Variants in OR51E1 observed in about 807,000 individuals in gnomAD.
The protein encoded by OR51E1 is olfactory receptor 51E1.
A neutral mutation model predicts 11.5 loss-of-function variants in OR51E1; 9 were observed. That is an observed-to-expected ratio of 0.78 (90% CI 0.47 to 1.37). The LOEUF (loss-of-function observed/expected upper bound fraction) is 1.37. Ranked by LOEUF, OR51E1 falls within the 40% of genes most tolerant of loss-of-function variation. The pLI, the probability that OR51E1 is intolerant of heterozygous loss-of-function variation, is 0.00. For missense variants in OR51E1, 397 were observed against 410.2 expected, an observed-to-expected ratio of 0.97 and a Z score of 0.28; for synonymous variants, 168 against 158.3, an observed-to-expected ratio of 1.06 and a Z score of -0.46.
intron 1 of OR51E1, among the ~76,000 whole-genome samples, chr11:4,651,372 G>A (rs921388068): frequency 2.0e-5 from 3 of 152,208 alleles, no homozygotes; most frequent in East Asian, 1.9e-4. Flanking sequence ...AATCCTGGTA[G>A]GGCAGGGGAA....
At chr11:4,651,856 T>C (rs1465925772) in intron 1 of OR51E1, among the ~76,000 whole-genome samples, 1 of 152,150 alleles carries the variant, frequency 6.6e-6, no homozygotes, top group Non-Finnish European at 1.5e-5. Context: ...TGGATTACGG[T>C]TTATCATAAT....
intron 1 of OR51E1, among the ~76,000 whole-genome samples, chr11:4,647,629 G>C (rs559728624): frequency 1.3e-5 from 2 of 152,044 alleles, no homozygotes; most frequent in African/African-American, 4.8e-5. Context: ...TCTGAAGCCC[G>C]GGGGAAGGAA....
In OR51E1 at chr11:4,653,380, T is replaced by C; in HGVS notation, c.854T>C (p.Val285Ala). Residue 285 changes from valine (V) to alanine (A), a missense_variant, in exon 2 of 2, where the codon GTT (valine) becomes GCT (alanine). Val to Ala is a moderately conservative substitution (Grantham distance 64). Coordinates refer to ENST00000396952, the MANE Select transcript of OR51E1 (RefSeq NM_152430.4). ...PVILANIYLL[V>A]PPVLNPIVYG... ...ATCTTGGCCAATATCTATCTGCTGG[T>C]TCCTCCTGTGCTCAACCCAATTGTC... The C allele has an allele frequency of 6.2e-7, 1 of 1,614,140 alleles. No individual in the cohort carries two copies. The highest frequency in any genetic ancestry group is 1.7e-5 in the Admixed American group (1 of 60,032).
In OR51E1 at chr11:4,652,754, C is replaced by G; in HGVS notation, c.228C>G (p.Ile76Met). Residue 76 changes from isoleucine (I) to methionine (M), a missense_variant, in exon 2 of 2, where the codon ATC becomes ATG. By Grantham distance (10) the Ile-to-Met change is conservative. Coordinates refer to ENST00000396952, the MANE Select transcript of OR51E1 (RefSeq NM_152430.4). ...LCMLSGIDIL[I>M]STSSMPKMLA... ...TGCTTTCAGGCATTGACATCCTCATCTCCACCTCATCCATGCCCAAAATGC... is the reference window on the plus strand; with the variant it reads ...TGCTTTCAGGCATTGACATCCTCATGTCCACCTCATCCATGCCCAAAATGC... The G allele has an allele frequency of 6.2e-7, 1 of 1,614,122 alleles. No homozygotes were observed. Among genetic ancestry groups the G allele is most frequent in the South Asian group, 1.1e-5 (1 of 91,072 alleles).
At chr11:4,649,088 T>A (rs1387003849) in intron 1 of OR51E1, among the ~76,000 whole-genome samples, 1 of 152,166 alleles carries the variant, frequency 6.6e-6, no homozygotes, top group East Asian at 1.9e-4. Flanking sequence ...ATAAAACTCA[T>A]TTTCATCTTC....
intron 1 of OR51E1, among the ~76,000 whole-genome samples, chr11:4,651,519 C>G (rs1411186291): frequency 6.6e-6 from 1 of 152,184 alleles, no homozygotes; most frequent in Non-Finnish European, 1.5e-5. Context: ...CCCCTTATGT[C>G]AGGCAGCCAC....
At position 4,654,546 on chromosome 11, in the gene OR51E1, C is replaced by G. The variant is rs1847144511; in HGVS notation, c.*1063C>G. On this transcript the variant is annotated 3_prime_UTR_variant, in exon 2 of 2. Transcript: ENST00000396952. Reference sequence around the variant, plus strand: ...GCAAGTTATTTATTTTTAAAAGTTCCATAGGTGATTCTGATAGGCAGTGAG... The same window carrying G: ...GCAAGTTATTTATTTTTAAAAGTTCGATAGGTGATTCTGATAGGCAGTGAG... The G allele has an allele frequency of 6.0e-6, 1 of 166,970 alleles. No individual in the cohort carries two copies. The highest frequency in any genetic ancestry group is 1.5e-5 in the Non-Finnish European group (1 of 68,124). The allele number at this position is 166,970 out of a possible 1,614,324, so 10.3% of individuals were successfully genotyped here.
chr11:4,644,629 C>G (rs141773420), intron 1 of OR51E1, among the ~76,000 whole-genome samples: 1 of 152,156 alleles, frequency 6.6e-6, no homozygotes, highest in Non-Finnish European at 1.5e-5. Flanking sequence ...AGTGTCCACA[C>G]GGCAACACCC....
intron 1 of OR51E1, among the ~76,000 whole-genome samples, chr11:4,650,778 A>G (rs1175600550): frequency 6.6e-6 from 1 of 152,158 alleles, no homozygotes; most frequent in Non-Finnish European, 1.5e-5. Flanking sequence ...TAATAAATAC[A>G]GGTTGAGTAC....
Sources: allele counts gnomAD v4.1 joint callset (sites outside exome capture counted in the v4.1 genomes callset), GRCh38; gene constraint gnomAD v4.1.1; transcripts MANE v1.5; gene names NCBI Gene and HGNC (gene_info 2026-07-23, HGNC 2026-07-21).